Variants in NRXN1 observed in about 807,000 individuals in gnomAD.
NRXN1 encodes the protein neurexin-1.
In NRXN1, 39 loss-of-function variants were observed where a neutral mutation model predicts 150.9. The ratio of observed to expected loss-of-function variants is 0.26; its 90% CI spans 0.20 to 0.34. The LOEUF (loss-of-function observed/expected upper bound fraction) is 0.34. Among genes scored for constraint, NRXN1 ranks in the 10% least tolerant of loss-of-function variants. The pLI is 1.00. For synonymous variants in NRXN1, 924 were observed against 757.0 expected, an observed-to-expected ratio of 1.22 and a Z score of -3.62; for missense variants, 1,815 against 1,949.9, an observed-to-expected ratio of 0.93 and a Z score of 1.30.
At chr2:49,976,189 AT>A (rs11296883) in intron 21 of NRXN1, among the ~76,000 whole-genome samples, 70,218 of 142,826 alleles carry the variant, frequency 0.49, 17,117 homozygotes, top group Middle Eastern at 0.64. Flanking sequence ...CGCCCAGCTA[AT>A]TTTTTTTTTT....
chr2:50,349,080 A>C (rs2078239174), intron 17 of NRXN1, among the ~76,000 whole-genome samples: 1 of 152,182 alleles, frequency 6.6e-6, no homozygotes, highest in African/African-American at 2.4e-5. Context: ...GATGCCCACT[A>C]TATAAATAGT....
At chr2:50,356,068 A>G (rs184438128) in intron 17 of NRXN1, among the ~76,000 whole-genome samples, 2 of 152,274 alleles carry the variant, frequency 1.3e-5, no homozygotes, top group East Asian at 3.9e-4. Flanking sequence ...ATACTTCAAA[A>G]AAAAAAAGAA....
At chr2:50,918,499 A>T (rs1685530049) in intron 5 of NRXN1, 1 of 354,718 alleles carries the variant, frequency 2.8e-6, no homozygotes, top group Non-Finnish European at 5.1e-6. Context: ...ACAAGCCTCC[A>T]ATCAAAGTGC....
At chr2:51,025,923 G>A (rs952784065) in intron 2 of NRXN1, among the ~76,000 whole-genome samples, 5 of 152,138 alleles carry the variant, frequency 3.3e-5, no homozygotes, top group African/African-American at 1.2e-4. Flanking sequence ...AAACCCACAT[G>A]AAGACAGAGC....
At chr2:50,761,639 C>T (rs1232527430) in intron 5 of NRXN1, among the ~76,000 whole-genome samples, 1 of 151,772 alleles carries the variant, frequency 6.6e-6, no homozygotes, top group Non-Finnish European at 1.5e-5. Context: ...GTCAACTTGA[C>T]TGGATTGAAG....
chr2:50,291,533 T>A (rs1329312970), intron 17 of NRXN1, among the ~76,000 whole-genome samples: 1 of 152,166 alleles, frequency 6.6e-6, no homozygotes. Context: ...CATTCATCCC[T>A]GGAACTGAGA....
At chr2:50,388,091 C>G (rs903823978) in intron 17 of NRXN1, among the ~76,000 whole-genome samples, 1 of 152,128 alleles carries the variant, frequency 6.6e-6, no homozygotes, top group Non-Finnish European at 1.5e-5. Context: ...ATTTAAGGTA[C>G]ATGCTGAGTA....
intron 5 of NRXN1, among the ~76,000 whole-genome samples, chr2:50,867,797 A>G (rs1232112871): frequency 6.6e-6 from 1 of 151,842 alleles, no homozygotes; most frequent in Non-Finnish European, 1.5e-5. Context: ...AACATTCAAA[A>G]GAATGGGTAA....
At chr2:50,623,805 CTTTAAG>C (rs1680494795) in intron 5 of NRXN1, among the ~76,000 whole-genome samples, 190 bp from the exon 6 acceptor site, 1 of 151,976 alleles carries the variant, frequency 6.6e-6, no homozygotes, top group Non-Finnish European at 1.5e-5. Context: ...TATTATTATA[CTTTAAG>C]TTTTAGGGTA....
At chr2:50,351,023 G>A (rs2078372360) in intron 17 of NRXN1, among the ~76,000 whole-genome samples, 1 of 152,186 alleles carries the variant, frequency 6.6e-6, no homozygotes, top group Non-Finnish European at 1.5e-5. Flanking sequence ...TGTCTAGATA[G>A]TGTAGAAAAA....
intron 15 of NRXN1, among the ~76,000 whole-genome samples, chr2:50,489,061 G>A (rs2091072709): frequency 6.6e-6 from 1 of 152,162 alleles, no homozygotes; most frequent in African/African-American, 2.4e-5. Context: ...CCATCCTGCT[G>A]GGACGTGGTA....
chr2:50,843,059 A>G (rs1344909563), intron 5 of NRXN1, among the ~76,000 whole-genome samples: 1 of 152,146 alleles, frequency 6.6e-6, no homozygotes, highest in Non-Finnish European at 1.5e-5. Flanking sequence ...CATTATCGCT[A>G]AAGAAAAATA....
intron 17 of NRXN1, among the ~76,000 whole-genome samples, chr2:50,292,127 G>A (rs1558465516): frequency 6.6e-6 from 1 of 152,258 alleles, no homozygotes; most frequent in South Asian, 2.1e-4. Context: ...CTGACCCACT[G>A]CCTCTTTTTG....
chr2:50,162,879 T>C (rs115479156), intron 18 of NRXN1, among the ~76,000 whole-genome samples: 5,400 of 151,980 alleles, frequency 0.036, 141 homozygotes, highest in Middle Eastern at 0.063. Context: ...ATTTTTAAAA[T>C]TCAAGAATCA....
At chr2:50,456,687 C>T (rs2087594226) in intron 17 of NRXN1, among the ~76,000 whole-genome samples, 1 of 151,896 alleles carries the variant, frequency 6.6e-6, no homozygotes, top group African/African-American at 2.4e-5. Context: ...CTACATGTTT[C>T]CCCAGGCTTT....
At chr2:50,152,096 T>C (rs1435630943) in intron 18 of NRXN1, among the ~76,000 whole-genome samples, 2 of 151,746 alleles carry the variant, frequency 1.3e-5, no homozygotes, top group Non-Finnish European at 3.0e-5. Flanking sequence ...TACAGTTCAG[T>C]GGTACTAAGT....
intron 5 of NRXN1, among the ~76,000 whole-genome samples, chr2:50,725,866 T>A (rs1459818819): frequency 6.6e-6 from 1 of 152,174 alleles, no homozygotes; most frequent in Non-Finnish European, 1.5e-5. Flanking sequence ...AGATAATATT[T>A]GTAAAAATAA....
chr2:50,758,527 T>C (rs781689349), intron 5 of NRXN1, among the ~76,000 whole-genome samples: 1 of 151,818 alleles, frequency 6.6e-6, no homozygotes, highest in Non-Finnish European at 1.5e-5. Context: ...AGGCTGGACT[T>C]AAACTCCTGG....
intron 21 of NRXN1, among the ~76,000 whole-genome samples, chr2:50,000,579 A>G (rs1223941131): frequency 6.6e-6 from 1 of 152,182 alleles, no homozygotes; most frequent in Admixed American, 6.5e-5. Context: ...TAAGATAGTC[A>G]ACATAATTTA....
Sources: allele counts gnomAD v4.1 joint callset (sites outside exome capture counted in the v4.1 genomes callset), GRCh38; gene constraint gnomAD v4.1.1; transcripts MANE v1.5; gene names NCBI Gene and HGNC (gene_info 2026-07-23, HGNC 2026-07-21).